MEMO1: variants seen among roughly 807,000 people sequenced by gnomAD.
MEMO1 encodes the protein protein MEMO1.
In MEMO1, 6 loss-of-function variants were observed where a neutral mutation model predicts 45.2. The ratio of observed to expected loss-of-function variants is 0.13; its 90% CI spans 0.07 to 0.26. The LOEUF (loss-of-function observed/expected upper bound fraction) is 0.26, where lower values mean the gene tolerates loss of function less well. Ranked by LOEUF, MEMO1 falls within the 10% of genes least tolerant of loss-of-function variation. The pLI is 1.00. For missense variants in MEMO1, 184 were observed against 370.5 expected (o/e 0.50, Z 4.13); for synonymous variants, 78 against 124.3 (o/e 0.63, Z 2.48).
chr2:31,963,541 T>C (rs1239955014), intron 2 of MEMO1, among the ~76,000 whole-genome samples: 8 of 152,230 alleles, frequency 5.3e-5, no homozygotes, highest in Non-Finnish European at 1.2e-4. Flanking sequence ...TTTTTCTATA[T>C]GAACTGTGTA....
chr2:31,953,682 C>T (rs1021346897), intron 2 of MEMO1, among the ~76,000 whole-genome samples: 3 of 151,970 alleles, frequency 2.0e-5, no homozygotes, highest in African/African-American at 7.2e-5. Context: ...GTCTTGAACT[C>T]CTGACCTCAA....
intron 2 of MEMO1, among the ~76,000 whole-genome samples, chr2:31,963,628 T>A (rs546430934): frequency 6.6e-6 from 1 of 152,278 alleles, no homozygotes; most frequent in African/African-American, 2.4e-5. Context: ...GTATTATAGA[T>A]AATAAATGAA....
At chr2:31,977,372 T>C (rs1474784518) in intron 2 of MEMO1, among the ~76,000 whole-genome samples, 4 of 152,194 alleles carry the variant, frequency 2.6e-5, no homozygotes, top group African/African-American at 9.7e-5. Flanking sequence ...TCATGTGCAC[T>C]GTATAGTTTA....
intron 3 of MEMO1, 97 bp downstream of exon 3, chr2:31,943,205 C>A: frequency 1.1e-6 from 1 of 877,944 alleles, no homozygotes; most frequent in South Asian, 1.4e-5. Context: ...GCGGAGGTTG[C>A]AGTGAGCCGA....
At chr2:31,919,413 A>C (rs1453073434) in intron 5 of MEMO1, among the ~76,000 whole-genome samples, 1 of 152,074 alleles carries the variant, frequency 6.6e-6, no homozygotes, top group African/African-American at 2.4e-5. Flanking sequence ...TCAGCCTCTC[A>C]AAGTGCTGGG....
In MEMO1 at chr2:31,920,926, CA is replaced by C. The variant is rs753056756; in HGVS notation, c.213-17del. 1.1e-5 allele frequency: 16 copies of C among 1,507,890 alleles called. No homozygotes were observed. Among genetic ancestry groups the C allele is most frequent in the East Asian group, 6.8e-5 (3 of 44,180 alleles). The allele number at this position is 1,507,890 out of a possible 1,614,324, so 93.4% of individuals were successfully genotyped here. On this transcript the variant is annotated splice_polypyrimidine_tract_variant and intron_variant, in intron 4 of 9. Transcript: ENST00000404530. ...AATTCTCCGGCTAGGAGATACACAA[CA>C]AAAAAACACGTAACAATTGCACTTC...
At chr2:31,986,156 A>G (rs943811580) in intron 2 of MEMO1, among the ~76,000 whole-genome samples, 1 of 152,110 alleles carries the variant, frequency 6.6e-6, no homozygotes, top group Non-Finnish European at 1.5e-5. Flanking sequence ...GCACTTTGGG[A>G]GGCCGAGGCA....
intron 6 of MEMO1, among the ~76,000 whole-genome samples, chr2:31,900,357 A>C (rs1678595450): frequency 6.6e-6 from 1 of 152,330 alleles, no homozygotes; most frequent in South Asian, 2.1e-4. Flanking sequence ...GCCATAAAAA[A>C]GGATTAGTTC....
chr2:31,984,102 T>A (rs914698828), intron 2 of MEMO1, among the ~76,000 whole-genome samples: 1 of 152,128 alleles, frequency 6.6e-6, no homozygotes, highest in Non-Finnish European at 1.5e-5. Flanking sequence ...TATTTCCTCA[T>A]CCAAAGTGTG....
Position 31,868,394 on chromosome 2 carries a change from C to T in MEMO1, c.861G>A (p.Val287=). Residue 287 remains valine, a synonymous_variant, in exon 10 of 10, where the codon GTG becomes GTA. Transcript: ENST00000404530. ...SQCRNWQDSS[V]SYAAGALTVH ...CCGTGAGTGCTCCAGCTGCATAACT[C>T]ACTGAACTGTCTTGCCAGTTTCTAC... is the stretch of plus-strand genomic sequence containing the variant. The T allele has an allele frequency of 6.3e-7, 1 of 1,584,416 alleles. No individual in the cohort carries two copies. Among genetic ancestry groups the T allele is most frequent in the Admixed American group, 1.8e-5 (1 of 54,698 alleles).
intron 6 of MEMO1, among the ~76,000 whole-genome samples, chr2:31,903,797 A>C (rs547700742): frequency 6.6e-6 from 1 of 152,372 alleles, no homozygotes; most frequent in African/African-American, 2.4e-5. Context: ...AATAACTGTA[A>C]ATATAAAAGT....
chr2:31,999,417 C>T (rs952389928), intron 2 of MEMO1, among the ~76,000 whole-genome samples: 5 of 152,136 alleles, frequency 3.3e-5, no homozygotes, highest in Admixed American at 6.6e-5. Flanking sequence ...AATCCCAGCA[C>T]TCTGGGAGGC....
chr2:31,975,255 T>A (rs923556173), intron 2 of MEMO1, among the ~76,000 whole-genome samples: 11 of 152,184 alleles, frequency 7.2e-5, no homozygotes, highest in Non-Finnish European at 1.5e-4. Context: ...AAGAATTATT[T>A]AAAAAGAAAT....
intron 2 of MEMO1, among the ~76,000 whole-genome samples, chr2:31,969,586 G>GGTGGGTGGGT (rs1273367737): frequency 8.4e-6 from 1 of 119,264 alleles, no homozygotes; most frequent in East Asian, 2.4e-4. Flanking sequence ...TGTGTGTGTG[G>GGTGGGTGGGT]GTGTGTGTGT....
chr2:31,888,764 T>C (rs948094542), intron 7 of MEMO1, among the ~76,000 whole-genome samples: 1 of 151,972 alleles, frequency 6.6e-6, no homozygotes, highest in African/African-American at 2.4e-5. Context: ...GGTGATGCAA[T>C]AAAAGGCAGG....
intron 6 of MEMO1, among the ~76,000 whole-genome samples, chr2:31,900,869 G>A (rs1264966529): frequency 2.0e-5 from 3 of 152,114 alleles, no homozygotes; most frequent in Non-Finnish European, 4.4e-5. Context: ...AAATGGTACA[G>A]TCACTTTGGA....
At chr2:31,906,511 G>A (rs1387357692) in intron 6 of MEMO1, among the ~76,000 whole-genome samples, 1 of 151,832 alleles carries the variant, frequency 6.6e-6, no homozygotes, top group South Asian at 2.1e-4. Context: ...CTTTAGTACA[G>A]ATGGGGTTTC....
chr2:31,964,198 T>C (rs551315218), intron 2 of MEMO1, among the ~76,000 whole-genome samples: 10 of 151,954 alleles, frequency 6.6e-5, no homozygotes, highest in South Asian at 6.2e-4. Flanking sequence ...TATGAGGATG[T>C]CTGAAAGTCA....
At chr2:31,870,069 C>T (rs1572517946) in intron 8 of MEMO1, 117 bp from the exon 9 acceptor site, 1 of 787,932 alleles carries the variant, frequency 1.3e-6, no homozygotes, top group African/African-American at 1.8e-5. Context: ...TAGGGAGACA[C>T]AAAGAAAACA....
Sources: allele counts gnomAD v4.1 joint callset (sites outside exome capture counted in the v4.1 genomes callset), GRCh38; gene constraint gnomAD v4.1.1; transcripts MANE v1.5; gene names NCBI Gene and HGNC (gene_info 2026-07-23, HGNC 2026-07-21).